Variants in ZNF454 observed in about 807,000 individuals in gnomAD.
The protein encoded by ZNF454 is zinc finger protein 454.
ZNF454 carries 30 observed loss-of-function variants against 48.2 expected under a neutral mutation model. That is an observed-to-expected ratio of 0.62 (90% CI 0.47 to 0.84). ZNF454 has a LOEUF of 0.84. Ranked by LOEUF, ZNF454 falls within the 40% of genes least tolerant of loss-of-function variation. ZNF454 has a pLI of 0.00. For missense variants in ZNF454, 510 were observed against 623.1 expected (o/e 0.82, Z 1.93); for synonymous variants, 204 against 211.4 (o/e 0.97, Z 0.30).
chr5:178,983,233 A>G, the ZNF454 span: 62,604 of 1,604,916 alleles, frequency 0.039, 1,880 homozygotes, highest in East Asian at 0.16. Context: ...TGCAGGAGCC[A>G]ACACTGCATC....
chr5:178,951,429 T>C (rs888211782), intron 4 of ZNF454, among the ~76,000 whole-genome samples: 1 of 152,226 alleles, frequency 6.6e-6, no homozygotes, highest in Non-Finnish European at 1.5e-5. Flanking sequence ...AGAGAGCTAC[T>C]AGCTTGAATT....
At chr5:178,986,801 G>A in the ZNF454 span, 2 of 1,612,408 alleles carry the variant, frequency 1.2e-6, no homozygotes, top group Non-Finnish European at 8.5e-7. Context: ...CGGGATCCTG[G>A]GCCCATGCCC....
At chr5:178,976,609 C>T in the ZNF454 span, among the ~76,000 whole-genome samples, 3 of 152,148 alleles carry the variant, frequency 2.0e-5, no homozygotes, top group African/African-American at 4.8e-5. Flanking sequence ...GCAATTTGGG[C>T]ACCTCTGCAG....
In ZNF454 at chr5:178,946,886, C is replaced by T. The variant is rs748562890; in HGVS notation, c.161-11C>T. ...CAGATGTGGTTCATTTTTGTCTCCC[C>T]TTAAAAACAGGACTCTTAGGACCCA... On this transcript the variant is annotated splice_polypyrimidine_tract_variant and intron_variant, in intron 3 of 4. Transcript: ENST00000519564. The surrounding 1 kb of genome is among the most constrained non-coding windows in gnomAD (Gnocchi z 4.5). The T allele has an allele frequency of 1.2e-6, 2 of 1,611,662 alleles. No homozygotes were observed. The highest frequency in any genetic ancestry group is 3.4e-5 in the Admixed American group (2 of 59,514).
chr5:178,945,228 C>T (rs1015375131), intron 2 of ZNF454, among the ~76,000 whole-genome samples: 3 of 149,946 alleles, frequency 2.0e-5, no homozygotes, highest in Non-Finnish European at 4.4e-5. Context: ...GTGTGTGTCT[C>T]TGTGTGTGTA....
At chr5:178,961,968 T>G (rs112291029) in intron 4 of ZNF454, among the ~76,000 whole-genome samples, 27 of 151,942 alleles carry the variant, frequency 1.8e-4, no homozygotes, top group African/African-American at 6.3e-4. Flanking sequence ...ATATTTAACT[T>G]TTCCATTGCT....
At chr5:178,989,725 C>T in the ZNF454 span, 2 of 440,860 alleles carry the variant, frequency 4.5e-6, no homozygotes, top group Non-Finnish European at 8.4e-6. Flanking sequence ...GACTTTTATC[C>T]CTGCTCCTTC....
the ZNF454 span, chr5:178,986,512 C>T: frequency 6.2e-7 from 1 of 1,608,964 alleles, no homozygotes; most frequent in South Asian, 1.1e-5. Flanking sequence ...GGGGGAGGAC[C>T]AGCTCAGGCG....
chr5:178,984,817 A>G, the ZNF454 span, among the ~76,000 whole-genome samples: 2 of 152,108 alleles, frequency 1.3e-5, no homozygotes, highest in South Asian at 4.1e-4. Flanking sequence ...GGGAGTGGAC[A>G]GCACCGGGAG....
chr5:178,977,277 G>A, the ZNF454 span: 1 of 296,402 alleles, frequency 3.4e-6, no homozygotes, highest in East Asian at 9.3e-5. Context: ...GGGAGGTTAT[G>A]AAAGTAGAGC....
At chr5:178,953,486 C>T (rs1037785363) in intron 4 of ZNF454, among the ~76,000 whole-genome samples, 2 of 152,188 alleles carry the variant, frequency 1.3e-5, no homozygotes, top group African/African-American at 4.8e-5. Context: ...TGGTGCCCAG[C>T]TGGCATCCTG....
At chr5:178,978,025 A>G in the ZNF454 span, among the ~76,000 whole-genome samples, 8 of 152,298 alleles carry the variant, frequency 5.3e-5, no homozygotes, top group East Asian at 1.5e-3. Context: ...TTTTCTCCAC[A>G]GGGTGGAATG....
intron 2 of ZNF454, among the ~76,000 whole-genome samples, chr5:178,945,006 A>G (rs1219085531): frequency 6.8e-6 from 1 of 146,264 alleles, no homozygotes; most frequent in Non-Finnish European, 1.5e-5. Context: ...ATGTGTGTGT[A>G]TGCACATGTG....
the ZNF454 span, chr5:178,989,174 C>T: frequency 6.2e-7 from 1 of 1,602,864 alleles, no homozygotes. Context: ...GCCCGGCCCC[C>T]ATGCACCGAA....
chr5:178,975,565 C>T, the ZNF454 span: 2 of 259,974 alleles, frequency 7.7e-6, no homozygotes, highest in South Asian at 7.0e-5. Flanking sequence ...CAGAGTGGTC[C>T]TTTTGTTCAT....
chr5:178,954,110 T>C (rs982597493), intron 4 of ZNF454, among the ~76,000 whole-genome samples: 1 of 152,052 alleles, frequency 6.6e-6, no homozygotes, highest in African/African-American at 2.4e-5. Flanking sequence ...ATACAAAAAT[T>C]AGCCGGGTGT....
the ZNF454 span, among the ~76,000 whole-genome samples, chr5:178,985,435 G>A: frequency 2.6e-5 from 4 of 151,530 alleles, no homozygotes; most frequent in South Asian, 6.3e-4. Flanking sequence ...TGGGCGCAGC[G>A]GCTCCCGCCT....
At chr5:178,968,105 T>TCACACACACACACACACACACACA (rs3031585), downstream of ZNF454, among the ~76,000 whole-genome samples, 3 of 145,000 alleles carry the variant, frequency 2.1e-5, no homozygotes, top group East Asian at 2.1e-4. Context: ...CATCTGTGCA[T>TCACACACACACACACACACACACA]CACACACACA....
At chr5:178,986,768 A>G in the ZNF454 span, 1 of 1,609,944 alleles carries the variant, frequency 6.2e-7, no homozygotes, top group Non-Finnish European at 8.5e-7. Flanking sequence ...GACGCACAAA[A>G]CACAGGCTGG....
Sources: gnomAD v4.1 joint callset for allele counts (sites outside exome capture counted in the v4.1 genomes callset) on GRCh38, gnomAD v4.1.1 for gene constraint, Gnocchi (gnomAD v3.1) non-coding constraint, MANE v1.5 for transcripts, NCBI Gene and HGNC (gene_info 2026-07-23, HGNC 2026-07-21) for gene names.